Variants in PRDM16 observed in about 807,000 individuals in gnomAD.
PRDM16 encodes the protein histone-lysine N-methyltransferase PRDM16.
PRDM16 carries 23 observed loss-of-function variants against 110.6 expected under a neutral mutation model. The ratio of observed to expected loss-of-function variants is 0.21; its 90% CI spans 0.15 to 0.29. The LOEUF (loss-of-function observed/expected upper bound fraction) is 0.29. Among genes scored for constraint, PRDM16 ranks in the 10% least tolerant of loss-of-function variants. The pLI is 1.00. For synonymous variants in PRDM16, 799 were observed against 781.8 expected, an observed-to-expected ratio of 1.02 and a Z score of -0.37; for missense variants, 1,615 against 1,794.3, an observed-to-expected ratio of 0.90 and a Z score of 1.81.
chr1:3,183,796 C>G (rs748593474), intron 1 of PRDM16, among the ~76,000 whole-genome samples: 2 of 152,228 alleles, frequency 1.3e-5, no homozygotes, highest in African/African-American at 4.8e-5. Context: ...GCACTTGATG[C>G]GGACGCTGCC....
intron 3 of PRDM16, among the ~76,000 whole-genome samples, chr1:3,334,033 A>G (rs1483233347): frequency 6.6e-6 from 1 of 152,224 alleles, no homozygotes; most frequent in Non-Finnish European, 1.5e-5. Context: ...GAAGTAATGC[A>G]AAACGGCATA....
intron 3 of PRDM16, among the ~76,000 whole-genome samples, chr1:3,287,757 C>T (rs1433184424): frequency 7.0e-6 from 1 of 142,354 alleles, no homozygotes; most frequent in Non-Finnish European, 1.5e-5. Flanking sequence ...CCCTGCCATG[C>T]GGGCATCGAG....
chr1:3,213,813 C>A lies in PRDM16; in HGVS notation c.387+27339C>A, dbSNP rs959189386. On this transcript the variant is annotated intron_variant, in intron 2 of 16. Coordinates refer to ENST00000270722, the MANE Select transcript of PRDM16 (RefSeq NM_022114.4). The surrounding 1 kb of genome is among the most constrained non-coding windows in gnomAD (Gnocchi z 5.3). ...CAGCCAGGGCCGTAGACCAAGGACT[C>A]CCGAGGCCAAGCCGGTGCCTTCCCA... 2.0e-5 allele frequency among the ~76,000 whole-genome samples: 3 copies of A among 152,118 alleles called. No homozygotes were observed. The highest frequency in any genetic ancestry group is 7.2e-5 in the African/African-American group (3 of 41,412).
chr1:3,410,905 T>C (rs1274079694), intron 8 of PRDM16, among the ~76,000 whole-genome samples: 2 of 152,094 alleles, frequency 1.3e-5, no homozygotes, highest in Admixed American at 1.3e-4. Context: ...GCTCCTAAAC[T>C]AGCAACACCG....
Position 3,382,335 on chromosome 1 carries a change from G to A in PRDM16, c.439-2817G>A, listed in dbSNP as rs188015169. ...GCTGAGTCTGTGGTTCTTGGATTGG[G>A]CTGGCCCTGGACTTGGGCAGGGCAG... On this transcript the variant is annotated intron_variant, in intron 3 of 16. Coordinates refer to ENST00000270722, the MANE Select transcript of PRDM16 (RefSeq NM_022114.4). This position sits in a 1 kb window ranked among gnomAD's most constrained non-coding sequence, Gnocchi z 6.6. Among the ~76,000 whole-genome samples the A allele has an allele frequency of 6.6e-6, 1 of 152,340 alleles. No homozygotes were observed. The highest frequency in any genetic ancestry group is 6.5e-5 in the Admixed American group (1 of 15,308).
At chr1:3,279,334 C>T (rs1640659660) in intron 3 of PRDM16, among the ~76,000 whole-genome samples, 1 of 152,214 alleles carries the variant, frequency 6.6e-6, no homozygotes, top group Non-Finnish European at 1.5e-5. Flanking sequence ...ATGTTCTCCC[C>T]TCAGATCTGA....
rs769541678 is a variant in PRDM16, at chr1:3,089,614, C to T, written c.37+20318C>T. Among the ~76,000 whole-genome samples the T allele has an allele frequency of 1.2e-4, 19 of 152,254 alleles. 1 individual carries two copies. The highest frequency in any genetic ancestry group is 2.5e-4 in the Non-Finnish European group (17 of 68,040). ...TGTTTCTAATTTAAACAGAAATGCCCCTGCCGGTGAGGGGCTCCCCGTGTG... is the reference window on the plus strand; with the variant it reads ...TGTTTCTAATTTAAACAGAAATGCCTCTGCCGGTGAGGGGCTCCCCGTGTG... On this transcript the variant is annotated intron_variant, in intron 1 of 16. Coordinates refer to ENST00000270722, the MANE Select transcript of PRDM16 (RefSeq NM_022114.4).
chr1:3,181,796 AGTCTTACACACG>A (rs1349233008), intron 1 of PRDM16, among the ~76,000 whole-genome samples: 5 of 134,720 alleles, frequency 3.7e-5, no homozygotes, highest in South Asian at 4.9e-4. Flanking sequence ...TTACACATGC[AGTCTTACACACG>A]GTCTTACACA....
chr1:3,128,322 C>T (rs180977085), intron 1 of PRDM16, among the ~76,000 whole-genome samples: 16 of 152,304 alleles, frequency 1.1e-4, no homozygotes, highest in African/African-American at 2.2e-4. Context: ...AGTCTGGGGT[C>T]GTCAGATCAA....
At position 3,142,221 on chromosome 1, in the gene PRDM16, C is replaced by T. The variant is rs553454430; in HGVS notation, c.38-43904C>T. Among the ~76,000 whole-genome samples, 9 of 152,396 alleles carry T rather than the reference C, an allele frequency of 5.9e-5. No homozygotes were observed. The South Asian group carries it at 1.2e-3, about 21-fold the overall frequency. ...GCAGCTGTCAGTCAAGCGTCTTTCA[C>T]AGCCAGCCAAGACCTTTTGATTTCT... On this transcript the variant is annotated intron_variant, in intron 1 of 16. Coordinates refer to ENST00000270722, the MANE Select transcript of PRDM16 (RefSeq NM_022114.4).
intron 3 of PRDM16, among the ~76,000 whole-genome samples, chr1:3,263,399 G>A (rs1640214348): frequency 6.6e-6 from 1 of 152,234 alleles, no homozygotes; most frequent in African/African-American, 2.4e-5. Context: ...CCGCAGGCCT[G>A]CTCTAGATGA....
At chr1:3,418,634 C>T (rs1229904797) in intron 11 of PRDM16, 33 bp from the exon 12 acceptor site, 1 of 1,473,840 alleles carries the variant, frequency 6.8e-7, no homozygotes, top group East Asian at 2.3e-5. Context: ...CACCCTAATC[C>T]TCCCTCACCC....
At chr1:3,337,449 T>G (rs1454168202) in intron 3 of PRDM16, among the ~76,000 whole-genome samples, 1 of 152,094 alleles carries the variant, frequency 6.6e-6, no homozygotes, top group Non-Finnish European at 1.5e-5. Flanking sequence ...GCAGGGTTCT[T>G]AGGAGGTGCT....
intron 5 of PRDM16, among the ~76,000 whole-genome samples, chr1:3,398,211 T>C (rs1353497934): frequency 2.0e-5 from 3 of 152,220 alleles, no homozygotes; most frequent in African/African-American, 7.2e-5. Context: ...AATTTCTTTC[T>C]TCCAAAAGGT....
rs1028762430 is a variant in PRDM16, at chr1:3,437,928, G to A, written c.*4117G>A. On this transcript the variant is annotated 3_prime_UTR_variant, in exon 17 of 17. Coordinates refer to ENST00000270722, the MANE Select transcript of PRDM16 (RefSeq NM_022114.4). Reference sequence around the variant, plus strand: ...CGTAATTTAAAGCGTGTGTGTATATGGACTTTGTCCCTTAAGGTCGATATA... The same window carrying A: ...CGTAATTTAAAGCGTGTGTGTATATAGACTTTGTCCCTTAAGGTCGATATA... The A allele has an allele frequency of 9.1e-6, 2 of 219,548 alleles. No individual in the cohort carries two copies. The highest frequency in any genetic ancestry group is 1.8e-5 in the Non-Finnish European group (2 of 109,452). 13.6% of individuals were successfully genotyped at this position (219,548 alleles called of 1,614,324 possible).
At chr1:3,270,187 C>A (rs1177941045) in intron 3 of PRDM16, among the ~76,000 whole-genome samples, 1 of 136,406 alleles carries the variant, frequency 7.3e-6, no homozygotes, top group African/African-American at 2.8e-5. Flanking sequence ...GGAGGACAGT[C>A]GGGGAAGACA....
intron 2 of PRDM16, among the ~76,000 whole-genome samples, chr1:3,222,464 G>A (rs184748804): frequency 1.1e-4 from 17 of 152,308 alleles, no homozygotes; most frequent in Admixed American, 7.2e-4. Context: ...CAACTACCCC[G>A]CCTTTCTTCC....
Position 3,403,015 on chromosome 1 carries a change from T to C in PRDM16, c.884+17T>C. 6.4e-7 allele frequency: 1 copy of C among 1,570,248 alleles called. No individual in the cohort carries two copies. Among genetic ancestry groups the C allele is most frequent in the Admixed American group, 1.7e-5 (1 of 57,472 alleles). The stretch of plus-strand genomic sequence containing the variant: ...CAAGTACAGGTGCCACGCCCTCCTC[T>C]GAGTCTTCCTCCCCTTCCCGTACCC... On this transcript the variant is annotated intron_variant, in intron 6 of 16. Transcript: ENST00000270722.
At chr1:3,210,377 C>G (rs1048064099) in intron 2 of PRDM16, among the ~76,000 whole-genome samples, 1 of 152,254 alleles carries the variant, frequency 6.6e-6, no homozygotes, top group African/African-American at 2.4e-5. Flanking sequence ...AGGCTTTCCC[C>G]CCTCAGATTC....
Sources: gnomAD v4.1 joint callset for allele counts (sites outside exome capture counted in the v4.1 genomes callset) on GRCh38, gnomAD v4.1.1 for gene constraint, Gnocchi (gnomAD v3.1) non-coding constraint, MANE v1.5 for transcripts, NCBI Gene and HGNC (gene_info 2026-07-23, HGNC 2026-07-21) for gene names.